The following HMGA1 variants were observed in gnomAD, a reference collection of about 807,000 sequenced individuals.
HMGA1 encodes the protein high mobility group protein HMG-I/HMG-Y.
A neutral mutation model predicts 15.1 loss-of-function variants in HMGA1; 1 was observed. That is an observed-to-expected ratio of 0.07 (90% confidence interval 0.02 to 0.31). The LOEUF is 0.31. HMGA1 is among the 10% of genes least tolerant of loss of function. HMGA1 has a pLI of 1.00. For missense variants in HMGA1, 94 were observed against 141.4 expected, an observed-to-expected ratio of 0.66 and a Z score of 1.70; for synonymous variants, 56 against 54.8, an observed-to-expected ratio of 1.02 and a Z score of -0.10.
intron 2 of HMGA1, among the ~76,000 whole-genome samples, chr6:34,239,175 T>C (rs1762087097): frequency 6.6e-6 from 1 of 152,156 alleles, no homozygotes. Context: ...GAGGGTCTCT[T>C]GATGCTTGAA....
At position 34,242,745 on chromosome 6, in the gene HMGA1, C is replaced by A; in HGVS notation, c.169C>A (p.Pro57Thr). Residue 57 changes from proline (P) to threonine (T), a missense_variant, in exon 4 of 6, where the codon CCT (proline) becomes ACT (threonine). Transcript: ENST00000311487. The part of the protein sequence containing the change: ...EPSEVPTPKR[P>T]RGRPKGSKNK... ...CAGCGAAGTGCCAACACCTAAGAGA[C>A]CTCGGGGCCGACCAAAGGGAAGCAA... is the stretch of plus-strand genomic sequence containing the variant. The A allele has an allele frequency of 1.9e-6, 3 of 1,592,370 alleles. No homozygotes were observed. Among genetic ancestry groups the A allele is most frequent in the Non-Finnish European group, 2.6e-6 (3 of 1,167,838 alleles).
chr6:34,242,627 CTTG>C (rs1045129310), intron 3 of HMGA1, 82 bp from the exon 4 acceptor site: 1 of 924,564 alleles, frequency 1.1e-6, no homozygotes, highest in Non-Finnish European at 1.7e-6. Flanking sequence ...CTGACTTAAC[CTTG>C]TTGAGGAGGC....
chr6:34,243,902 G>A (rs1269555737), intron 5 of HMGA1, among the ~76,000 whole-genome samples: 1 of 152,156 alleles, frequency 6.6e-6, no homozygotes, highest in African/African-American at 2.4e-5. Flanking sequence ...ATGAGCCTCT[G>A]CAGAAGAGAA....
chr6:34,242,901 C>A (rs1052758705), intron 4 of HMGA1, 106 bp downstream of exon 4: 48 of 811,144 alleles, frequency 5.9e-5, no homozygotes, highest in African/African-American at 3.2e-4. Context: ...GCTCAGTCAT[C>A]TCAGTTGTGT....
chr6:34,244,760 T>C, intron 5 of HMGA1, 71 bp from the exon 6 acceptor site: 2 of 1,321,304 alleles, frequency 1.5e-6, no homozygotes, highest in Non-Finnish European at 2.1e-6. Flanking sequence ...AGGGAGCGGG[T>C]GGGGCCAGCC....
At chr6:34,240,259 T>C (rs1581796949) in intron 2 of HMGA1, among the ~76,000 whole-genome samples, 1 of 152,200 alleles carries the variant, frequency 6.6e-6, no homozygotes, top group East Asian at 1.9e-4. Context: ...TCAATGTCCA[T>C]AGCTGCCAGA....
At chr6:34,240,564 CG>C (rs765594795) in intron 2 of HMGA1, 172 bp from the exon 3 acceptor site, 2 of 588,962 alleles carry the variant, frequency 3.4e-6, no homozygotes, top group Non-Finnish European at 6.1e-6. Flanking sequence ...GGCCCTTCCC[CG>C]CCCTTGGCAG....
In HMGA1 at chr6:34,244,834, A is replaced by G. The variant is rs1001859210; in HGVS notation, c.274A>G (p.Lys92Glu). The change falls in exon 6 of 6, where the codon AAG becomes GAG. Residue 92 changes from lysine to glutamate, a missense_variant. Physicochemically the swap from Lys to Glu is moderately conservative, Grantham distance 56 (BLOSUM62 1). Coordinates refer to ENST00000311487, the MANE Select transcript of HMGA1 (RefSeq NM_145899.3). ...CCAACAACTGCCCACCTCACAGGAG[A>G]AGGAGGAAGAGGAGGGCATCTCGCA... ...KPRGRPKKLE[K>E]EEEEGISQES... The G allele has an allele frequency of 3.2e-6, 5 of 1,571,752 alleles. No individual in the cohort carries two copies. The highest frequency in any genetic ancestry group is 2.3e-5 in the East Asian group (1 of 43,140).
At chr6:34,238,849 A>ATCCGC (rs1214895590) in intron 2 of HMGA1, 1 of 151,802 alleles carries the variant, frequency 6.6e-6, no homozygotes, top group Non-Finnish European at 1.5e-5. Flanking sequence ...TTCCAGGGAG[A>ATCCGC]CCCGCCAAGA....
chr6:34,242,992 G>A (rs1412105512), intron 4 of HMGA1, among the ~76,000 whole-genome samples, 197 bp downstream of exon 4: 1 of 152,076 alleles, frequency 6.6e-6, no homozygotes, highest in African/African-American at 2.4e-5. Context: ...CTTACTTCTG[G>A]GGGGTTGGTC....
intron 2 of HMGA1, 64 bp downstream of exon 2, chr6:34,237,381 C>G (rs866817995): frequency 6.9e-6 from 1 of 144,830 alleles, no homozygotes. Context: ...CCCGCCCGCA[C>G]GTCGCCCCTC....
chr6:34,240,515 T>C (rs1762214289), intron 2 of HMGA1, among the ~76,000 whole-genome samples: 1 of 152,022 alleles, frequency 6.6e-6, no homozygotes, highest in African/African-American at 2.4e-5. Context: ...AAAGAGCCCT[T>C]CTGAACAGGA....
rs1756602953 is a variant in HMGA1 at position 34,240,926 on chromosome 6, A to G, written c.135+11A>G. 1 of 1,613,512 alleles carries G rather than the reference A, an allele frequency of 6.2e-7. No individual in the cohort carries two copies. Among genetic ancestry groups the G allele is most frequent in the African/African-American group, 1.3e-5 (1 of 74,890 alleles). ...CTGGTAGGGAGTCAGGTGGGTGTCCAAACCTTTGCTTCACTTGGTTTACCC... is the reference window on the plus strand; with the variant it reads ...CTGGTAGGGAGTCAGGTGGGTGTCCGAACCTTTGCTTCACTTGGTTTACCC... On this transcript the variant is annotated intron_variant, in intron 3 of 5. Transcript: ENST00000311487.
chr6:34,239,262 TTTC>T (rs1419258915), intron 2 of HMGA1, among the ~76,000 whole-genome samples: 5 of 151,096 alleles, frequency 3.3e-5, no homozygotes, highest in Non-Finnish European at 4.4e-5. Context: ...AAAAACTCTT[TTTC>T]TTCTTTTTTT....
chr6:34,243,818 G>T (rs1440536390), intron 5 of HMGA1, among the ~76,000 whole-genome samples: 1 of 152,112 alleles, frequency 6.6e-6, no homozygotes, highest in Non-Finnish European at 1.5e-5. Flanking sequence ...GGAGATCTTG[G>T]AAGTCATCTA....
At chr6:34,239,444 G>T (rs766372008) in intron 2 of HMGA1, among the ~76,000 whole-genome samples, 4 of 151,860 alleles carry the variant, frequency 2.6e-5, no homozygotes, top group African/African-American at 9.7e-5. Context: ...TTCTTATTTT[G>T]GTTAGAGTGA....
Position 34,245,552 on chromosome 6 carries a change from C to G in HMGA1, c.*668C>G, listed in dbSNP as rs1390649688. On this transcript the variant is annotated 3_prime_UTR_variant, in exon 6 of 6. Transcript: ENST00000311487. ...AGGCAGGAGGGGTGAGTCCCCTACT[C>G]CCTCTTCACTGTGGCCACAGCCCCC... 1 of 1,379,352 alleles carries G rather than the reference C, an allele frequency of 7.2e-7. No individual in the cohort carries two copies. Among genetic ancestry groups the G allele is most frequent in the Admixed American group, 2.2e-5 (1 of 45,636 alleles). The allele number at this position is 1,379,352 out of a possible 1,614,324, so 85.4% of individuals were successfully genotyped here. A position where few individuals can be genotyped will look rare whatever the true frequency, so the allele number is the denominator to read the frequency against.
intron 2 of HMGA1, 98 bp from the exon 3 acceptor site, chr6:34,240,639 C>G: frequency 1.0e-6 from 1 of 985,888 alleles, no homozygotes; most frequent in Non-Finnish European, 1.6e-6. Flanking sequence ...CCCATGGGAG[C>G]ACAGTTTTCT....
In HMGA1 at chr6:34,237,862, C is replaced by T. The variant is rs535187425; in HGVS notation, c.-45+545C>T. Among the ~76,000 whole-genome samples, 9 of 152,032 alleles carry T rather than the reference C, an allele frequency of 5.9e-5. No individual in the cohort carries two copies. In the East Asian group the frequency reaches 1.8e-3, roughly 30 times the overall value. ...ACGCCCTCTCGGCCTTTCTCTCGCG[C>T]CCCCTCCGCAGATGAGGCCGGAGCG... is the stretch of plus-strand genomic sequence containing the variant. On this transcript the variant is annotated intron_variant, in intron 2 of 5. Coordinates refer to ENST00000311487, the MANE Select transcript of HMGA1 (RefSeq NM_145899.3).
Sources: allele counts gnomAD v4.1 joint callset (sites outside exome capture counted in the v4.1 genomes callset), GRCh38; gene constraint gnomAD v4.1.1; transcripts MANE v1.5; gene names NCBI Gene and HGNC (gene_info 2026-07-23, HGNC 2026-07-21).